Variants in ERC2 observed in about 807,000 individuals in gnomAD.
ERC2 encodes the protein ERC protein 2.
In ERC2, 42 loss-of-function variants were observed where a neutral mutation model predicts 114.8. The observed-to-expected ratio is 0.37, with a 90% CI of 0.29 to 0.47. ERC2 has a LOEUF of 0.47. Among genes scored for constraint, ERC2 ranks in the 20% least tolerant of loss-of-function variants. The pLI, the probability that ERC2 is intolerant of heterozygous loss-of-function variation, is 0.99. For missense variants in ERC2, 939 were observed against 1,150.7 expected, an observed-to-expected ratio of 0.82 and a Z score of 2.66; for synonymous variants, 454 against 425.5, an observed-to-expected ratio of 1.07 and a Z score of -0.82.
intron 17 of ERC2, among the ~76,000 whole-genome samples, chr3:55,528,207 G>A (rs568552411): frequency 6.6e-6 from 1 of 152,280 alleles, no homozygotes; most frequent in East Asian, 1.9e-4. Flanking sequence ...AATAATTTTA[G>A]AGAAACAAAA....
At chr3:56,305,935 C>T (rs1238492139) in intron 2 of ERC2, among the ~76,000 whole-genome samples, 1 of 152,140 alleles carries the variant, frequency 6.6e-6, no homozygotes, top group Non-Finnish European at 1.5e-5. Context: ...CTGCATCCTC[C>T]ACCTCCCGGG....
At chr3:55,519,069 C>T (rs62251462) in intron 17 of ERC2, among the ~76,000 whole-genome samples, 6,586 of 152,248 alleles carry the variant, frequency 0.043, 165 homozygotes, top group Middle Eastern at 0.1. Flanking sequence ...GGGGGATGTC[C>T]GAGTCATCCT....
intron 6 of ERC2, among the ~76,000 whole-genome samples, chr3:56,129,148 G>A (rs371758423): frequency 1.3e-5 from 2 of 152,152 alleles, no homozygotes; most frequent in East Asian, 1.9e-4. Context: ...GAAAGTATAT[G>A]TCTGCATGGA....
chr3:55,894,414 G>A (rs2063748204), intron 13 of ERC2, among the ~76,000 whole-genome samples: 1 of 152,080 alleles, frequency 6.6e-6, no homozygotes, highest in Non-Finnish European at 1.5e-5. Context: ...ATTATTTGGG[G>A]ACAATATAAT....
At chr3:55,678,512 C>T (rs1352618344) in intron 17 of ERC2, among the ~76,000 whole-genome samples, 1 of 152,132 alleles carries the variant, frequency 6.6e-6, no homozygotes, top group Non-Finnish European at 1.5e-5. Flanking sequence ...ATTGCTACCC[C>T]TTACATGTCT....
chr3:56,392,307 T>C (rs1349554217), intron 2 of ERC2, among the ~76,000 whole-genome samples: 1 of 152,210 alleles, frequency 6.6e-6, no homozygotes. Context: ...CTGTCACATA[T>C]ATCTTTGGTT....
In ERC2 at chr3:55,753,453, C is replaced by T. The variant is rs117824549; in HGVS notation, c.2565-18535G>A. ...AAGCATCTGGAAAACTGCAAAACCC[C>T]ACAGGAATGGTGGGCATTACTATCA... is the stretch of plus-strand genomic sequence containing the variant. On this transcript the variant is annotated intron_variant, in intron 14 of 17. Transcript: ENST00000288221. Among the ~76,000 whole-genome samples, 138 of 152,282 alleles carry T rather than the reference C, an allele frequency of 9.1e-4. No homozygotes were observed. The East Asian group carries it at 0.014, about 15-fold the overall frequency.
At chr3:56,401,598 A>G (rs2060522139) in intron 2 of ERC2, among the ~76,000 whole-genome samples, 1 of 152,198 alleles carries the variant, frequency 6.6e-6, no homozygotes, top group South Asian at 2.1e-4. Flanking sequence ...TTGCAGGTAT[A>G]TATATCTACA....
intron 7 of ERC2, among the ~76,000 whole-genome samples, chr3:56,068,983 G>C (rs899822751): frequency 6.6e-6 from 1 of 152,220 alleles, no homozygotes; most frequent in African/African-American, 2.4e-5. Context: ...TAGAGTAAGT[G>C]CCATGTGGCA....
At position 56,061,502 on chromosome 3, in the gene ERC2, T is replaced by C. The variant is rs79471754; in HGVS notation, c.1641+19315A>G. 2.1e-4 allele frequency among the ~76,000 whole-genome samples: 32 copies of C among 152,284 alleles called. 1 individual carries two copies. The East Asian group carries it at 5.4e-3, about 26-fold the overall frequency. ...TGTTTAGTTCCCATGTCCTTGATCA[T>C]AGAGACTCTACAAAAGAAAGGAAGG... is the stretch of plus-strand genomic sequence containing the variant. On this transcript the variant is annotated intron_variant, in intron 7 of 17. Transcript: ENST00000288221.
chr3:56,078,509 C>T (rs1247358954), intron 7 of ERC2, among the ~76,000 whole-genome samples: 1 of 152,090 alleles, frequency 6.6e-6, no homozygotes, highest in Non-Finnish European at 1.5e-5. Flanking sequence ...TGGGGAATAT[C>T]CTAATAGATA....
chr3:56,374,283 G>C (rs373944152), intron 2 of ERC2, among the ~76,000 whole-genome samples: 8 of 152,174 alleles, frequency 5.3e-5, no homozygotes, highest in African/African-American at 1.9e-4. Flanking sequence ...ATTTTTAGTA[G>C]AGACGGGGTT....
chr3:56,200,628 G>A (rs577583687), intron 3 of ERC2, among the ~76,000 whole-genome samples: 1 of 152,260 alleles, frequency 6.6e-6, no homozygotes, highest in African/African-American at 2.4e-5. Context: ...TAGTAACTGA[G>A]TCAACTTTCT....
In ERC2 at chr3:55,844,050, G is replaced by T. The variant is rs192202820; in HGVS notation, c.2564+44339C>A. Among the ~76,000 whole-genome samples, 236 of 152,230 alleles carry T rather than the reference G, an allele frequency of 1.6e-3. 1 individual carries two copies. The highest frequency in any genetic ancestry group is 1.1e-3 in the Non-Finnish European group (76 of 68,022). On this transcript the variant is annotated intron_variant, in intron 14 of 17. Coordinates refer to ENST00000288221, the MANE Select transcript of ERC2 (RefSeq NM_015576.3). The stretch of plus-strand genomic sequence containing the variant: ...CATGCCAAAGTAAACGAACATTTTT[G>T]AATTCCTTTCAAATATTAAATACTG...
In ERC2 at chr3:56,273,655, T is replaced by C. The variant is rs558537278; in HGVS notation, c.1074+22364A>G. ...ATATTTTTTCTTTGGGGGTAATGAT[T>C]TGTATTATTTTGCACACCAGAGTAG... On this transcript the variant is annotated intron_variant, in intron 3 of 17. Coordinates refer to ENST00000288221, the MANE Select transcript of ERC2 (RefSeq NM_015576.3). Among the ~76,000 whole-genome samples the C allele has an allele frequency of 3.3e-5, 5 of 152,242 alleles. No individual in the cohort carries two copies. The East Asian group carries it at 9.6e-4, about 29-fold the overall frequency.
chr3:55,956,039 C>T lies in ERC2; in HGVS notation c.2268-5479G>A, dbSNP rs188304601. On this transcript the variant is annotated intron_variant, in intron 12 of 17. Coordinates refer to ENST00000288221, the MANE Select transcript of ERC2 (RefSeq NM_015576.3). Reference sequence around the variant, plus strand: ...TACTGGTAAAATGTTTAGAACAGACCGCAGCATGTTCACTCTTTCACTCTT... The same window carrying T: ...TACTGGTAAAATGTTTAGAACAGACTGCAGCATGTTCACTCTTTCACTCTT... 1.2e-4 allele frequency among the ~76,000 whole-genome samples: 19 copies of T among 152,170 alleles called. No homozygotes were observed. In the East Asian group the frequency reaches 3.1e-3, roughly 25 times the overall value.
intron 14 of ERC2, among the ~76,000 whole-genome samples, chr3:55,756,601 G>A (rs933653110): frequency 1.3e-5 from 2 of 152,182 alleles, no homozygotes; most frequent in African/African-American, 4.8e-5. Context: ...TGACTCTAAT[G>A]TGTCTCTTGT....
Position 56,113,124 on chromosome 3 carries a change from G to A in ERC2, c.1473+26385C>T, listed in dbSNP as rs192013141. ...TGAAAATTAACTATCTGACAGGGCC[G>A]AGCATAGCAGTGCTAATTTATAAGA... On this transcript the variant is annotated intron_variant, in intron 6 of 17. Coordinates refer to ENST00000288221, the MANE Select transcript of ERC2 (RefSeq NM_015576.3). Among the ~76,000 whole-genome samples, 14 of 152,254 alleles carry A rather than the reference G, an allele frequency of 9.2e-5. No individual in the cohort carries two copies. The East Asian group carries it at 1.7e-3, about 19-fold the overall frequency.
intron 17 of ERC2, among the ~76,000 whole-genome samples, chr3:55,535,550 C>T (rs1039196014): frequency 3.9e-5 from 6 of 152,110 alleles, no homozygotes; most frequent in African/African-American, 7.2e-5. Context: ...TGTGAGCCAC[C>T]GGCAGCAGAT....
Sources: gnomAD v4.1 joint callset for allele counts (sites outside exome capture counted in the v4.1 genomes callset) on GRCh38, gnomAD v4.1.1 for gene constraint, MANE v1.5 for transcripts, NCBI Gene and HGNC (gene_info 2026-07-23, HGNC 2026-07-21) for gene names.